The following NUP43 variants were observed in gnomAD, a reference collection of about 807,000 sequenced individuals.
The protein encoded by NUP43 is nucleoporin Nup43.
In NUP43, 32 loss-of-function variants were observed where a neutral mutation model predicts 47.3. The observed-to-expected ratio is 0.68, with a 90% CI of 0.51 to 0.91. The LOEUF (loss-of-function observed/expected upper bound fraction) is 0.91, where lower values mean the gene tolerates loss of function less well. Among genes scored for constraint, NUP43 ranks in the 40% least tolerant of loss-of-function variants. The pLI is 0.00. For missense variants in NUP43, 444 were observed against 453.9 expected, an observed-to-expected ratio of 0.98 and a Z score of 0.20; for synonymous variants, 147 against 158.4, an observed-to-expected ratio of 0.93 and a Z score of 0.54.
At chr6:149,736,746 C>A (rs537269880) in intron 5 of NUP43, 124 bp from the exon 6 acceptor site, 2 of 753,936 alleles carry the variant, frequency 2.7e-6, no homozygotes, top group African/African-American at 1.7e-5. Context: ...TGGAATGCAG[C>A]GCTGCAATCA....
intron 7 of NUP43, among the ~76,000 whole-genome samples, chr6:149,728,744 C>T (rs955598320): frequency 2.0e-5 from 3 of 152,174 alleles, no homozygotes; most frequent in South Asian, 2.1e-4. Flanking sequence ...GAGCTCCAAC[C>T]GTGGTGTCCT....
chr6:149,728,084 G>A, intron 7 of NUP43: 1 of 985,282 alleles, frequency 1.0e-6, no homozygotes, highest in Non-Finnish European at 1.2e-6. Context: ...TCTACTTCAT[G>A]TTTTTCTCTT....
In NUP43 at chr6:149,731,695, A is replaced by C; in HGVS notation, c.831T>G (p.Leu277=). ...GGGATCCATCTTCAGAGCAGGTAAA[A>C]AGATGTTCTGGGTTGGATGGGTGAA... is the stretch of plus-strand genomic sequence containing the variant. ...VHFHPSNPEH[L]FTCSEDGSLW... is the part of the protein sequence containing the mutation. The change falls in exon 7 of 8, where the codon CTT becomes CTG. Residue 277 remains leucine, a synonymous_variant. Coordinates refer to ENST00000340413, the MANE Select transcript of NUP43 (RefSeq NM_198887.3). The C allele has an allele frequency of 8.7e-6, 14 of 1,613,888 alleles. No homozygotes were observed. Among genetic ancestry groups the C allele is most frequent in the Non-Finnish European group, 1.2e-5 (14 of 1,179,792 alleles).
intron 4 of NUP43, 47 bp from the exon 5 acceptor site, chr6:149,738,825 T>A: frequency 7.9e-7 from 1 of 1,259,788 alleles, no homozygotes; most frequent in Non-Finnish European, 1.0e-6. Flanking sequence ...TCCCCTTTTT[T>A]TCCCAAGAAA....
chr6:149,732,072 C>CT (rs1427540031), intron 6 of NUP43, among the ~76,000 whole-genome samples: 2 of 150,410 alleles, frequency 1.3e-5, no homozygotes, highest in African/African-American at 2.4e-5. Flanking sequence ...GTCCCAGCTA[C>CT]TTAGGAGGCT....
At chr6:149,732,099 T>C (rs976217781) in intron 6 of NUP43, among the ~76,000 whole-genome samples, 1 of 150,076 alleles carries the variant, frequency 6.7e-6, no homozygotes, top group Middle Eastern at 3.5e-3. Flanking sequence ...GGAAAATCAC[T>C]TGAACCTGGG....
chr6:149,736,698 TTTTG>T (rs1785378725), intron 5 of NUP43, 76 bp from the exon 6 acceptor site: 8 of 1,344,576 alleles, frequency 5.9e-6, no homozygotes, highest in South Asian at 1.4e-5. Flanking sequence ...GAAACACGTT[TTTTG>T]TTTGTTTTGA....
In NUP43 at chr6:149,726,753, T is replaced by C; in HGVS notation, c.*216A>G. Reference sequence around the variant, plus strand: ...AGAATCCCACTGATTTTCTTCCACATGTTCACAATCTTTTGCCATCAGTCA... The same window carrying C: ...AGAATCCCACTGATTTTCTTCCACACGTTCACAATCTTTTGCCATCAGTCA... On this transcript the variant is annotated 3_prime_UTR_variant, in exon 8 of 8. Coordinates refer to ENST00000340413, the MANE Select transcript of NUP43 (RefSeq NM_198887.3). 2 of 552,386 alleles carry C rather than the reference T, an allele frequency of 3.6e-6. No homozygotes were observed. The highest frequency in any genetic ancestry group is 2.2e-5 in the South Asian group (1 of 46,232). 34.2% of individuals were successfully genotyped at this position (552,386 alleles called of 1,614,324 possible). A position where few individuals can be genotyped will look rare whatever the true frequency, so the allele number is the denominator to read the frequency against.
At chr6:149,741,185 T>A (rs1177195284) in intron 4 of NUP43, among the ~76,000 whole-genome samples, 1 of 152,176 alleles carries the variant, frequency 6.6e-6, no homozygotes, top group Admixed American at 6.5e-5. Flanking sequence ...ATTTTATATT[T>A]TTTTGAGACA....
Position 149,745,992 on chromosome 6 carries a change from T to C in NUP43, c.191A>G (p.Asp64Gly). The change falls in exon 2 of 8, where the codon GAC becomes GGC. Residue 64 changes from aspartate (D) to glycine (G), a missense_variant. Asp to Gly is a moderately conservative substitution (Grantham distance 94, BLOSUM62 -1). Transcript: ENST00000340413. ...TCTGATATCACACAATAACTGATGG[T>C]CTCCTTCAAACCCTCCATCAGAGTC... is the stretch of plus-strand genomic sequence containing the variant. Reference protein sequence around the residue: ...NLDSDGGFEGDHQLLCDIRHH... With the variant: ...NLDSDGGFEGGHQLLCDIRHH... 1 of 1,612,488 alleles carries C rather than the reference T, an allele frequency of 6.2e-7. No homozygotes were observed. The highest frequency in any genetic ancestry group is 1.3e-5 in the African/African-American group (1 of 75,002).
Position 149,731,644 on chromosome 6 carries a change from A to G in NUP43, c.882T>C (p.Asp294=). ...GAAAGAGTGACGACTTTTCAGGTAC[A>G]TCTGTGGAAGCATCCCAGTGCCAGA... ...GSLWHWDAST[D]VPEKSSLFHQ... The change falls in exon 7 of 8, where the codon GAT becomes GAC. Residue 294 remains aspartate, a synonymous_variant. Transcript: ENST00000340413. 2.5e-6 allele frequency: 4 copies of G among 1,613,922 alleles called. No homozygotes were observed. The highest frequency in any genetic ancestry group is 3.4e-6 in the Non-Finnish European group (4 of 1,179,936).
chr6:149,727,080 G>A lies in NUP43; in HGVS notation c.1032C>T (p.Ser344=). ...CAGACAGAGACCTACTGGGAAGTAA[G>A]CTTGTGATTTCAATTCGGTCTTTTG... ...DPAKDRIEIT[S]LLPSRSLSVN... The change falls in exon 8 of 8, where the codon AGC becomes AGT. Residue 344 remains serine, a synonymous_variant. Coordinates refer to ENST00000340413, the MANE Select transcript of NUP43 (RefSeq NM_198887.3). The A allele has an allele frequency of 6.2e-7, 1 of 1,614,166 alleles. No homozygotes were observed. Among genetic ancestry groups the A allele is most frequent in the Middle Eastern group, 1.6e-4 (1 of 6,062 alleles).
In NUP43 at chr6:149,736,486, C is replaced by A. The variant is rs755594447; in HGVS notation, c.775G>T (p.Ala259Ser). The A allele has an allele frequency of 1.3e-5, 20 of 1,582,808 alleles. No individual in the cohort carries two copies. The East Asian group carries it at 4.5e-4, about 36-fold the overall frequency. The change falls in exon 6 of 8, where the codon GCT (alanine) becomes TCT (serine). Residue 259 changes from alanine to serine, a missense_variant. Physicochemically the swap from Ala to Ser is moderately conservative, Grantham distance 99. Coordinates refer to ENST00000340413, the MANE Select transcript of NUP43 (RefSeq NM_198887.3). ...CAATACTTACTTTCAGCTTCATGAG[C>A]CTTCAGCAGAGATACAGGCATAGTA... ...QGTMPVSLLK[A>S]HEAEMWEVHF...
chr6:149,736,878 G>C (rs887589661), intron 5 of NUP43, among the ~76,000 whole-genome samples: 2 of 151,952 alleles, frequency 1.3e-5, no homozygotes, highest in Non-Finnish European at 2.9e-5. Flanking sequence ...TTGTAGAGAT[G>C]GGGTTTCTCC....
rs537104420 is a variant in NUP43 at position 149,729,437 on chromosome 6, G to T, written c.913+2176C>A. The T allele has an allele frequency of 1.2e-5, 8 of 688,900 alleles. No individual in the cohort carries two copies. In the East Asian group the frequency reaches 9.6e-4, roughly 83 times the overall value. The allele number at this position is 688,900 out of a possible 1,614,324, so 42.7% of individuals were successfully genotyped here. ...TGGTGGGTGACTGGAAGGCGGAAGG[G>T]AGAAGCAGCTCCTTCCTGCTCCAGG... On this transcript the variant is annotated intron_variant, in intron 7 of 7. Coordinates refer to ENST00000340413, the MANE Select transcript of NUP43 (RefSeq NM_198887.3).
At chr6:149,746,639 T>A, upstream of NUP43, 1 of 1,588,148 alleles carries the variant, frequency 6.3e-7, no homozygotes, top group Non-Finnish European at 8.6e-7. Flanking sequence ...CGATAGCCAG[T>A]GTGGGCACAG....
In NUP43 at chr6:149,742,370, C is replaced by A; in HGVS notation, c.502+20G>T. On this transcript the variant is annotated intron_variant, in intron 4 of 7. Transcript: ENST00000340413. ...AGAGACTAGGTTTCGCCATGTTGGC[C>A]AGGCTGGGATTTTTCTTACCTATGG... is the stretch of plus-strand genomic sequence containing the variant. 6.2e-7 allele frequency: 1 copy of A among 1,611,150 alleles called. No individual in the cohort carries two copies.
At chr6:149,729,135 C>T (rs1241807438) in intron 7 of NUP43, among the ~76,000 whole-genome samples, 2 of 152,070 alleles carry the variant, frequency 1.3e-5, no homozygotes, top group Non-Finnish European at 2.9e-5. Flanking sequence ...GGATTACAGG[C>T]ACCCACCACC....
upstream of NUP43, chr6:149,746,643 G>T: frequency 6.3e-7 from 1 of 1,581,762 alleles, no homozygotes; most frequent in South Asian, 1.1e-5. Context: ...AGCCAGTGTG[G>T]GCACAGTCAG....
Sources: gnomAD v4.1 joint callset for allele counts (sites outside exome capture counted in the v4.1 genomes callset) on GRCh38, gnomAD v4.1.1 for gene constraint, MANE v1.5 for transcripts, NCBI Gene and HGNC (gene_info 2026-07-23, HGNC 2026-07-21) for gene names.